PTPRN2: variants seen among roughly 807,000 people sequenced by gnomAD.
The protein encoded by PTPRN2 is receptor-type tyrosine-protein phosphatase N2.
In PTPRN2, 74 loss-of-function variants were observed where a neutral mutation model predicts 118.8. That is an observed-to-expected ratio of 0.62 (90% CI 0.52 to 0.76). The LOEUF (loss-of-function observed/expected upper bound fraction) is 0.76. Ranked by LOEUF, PTPRN2 falls within the 30% of genes least tolerant of loss-of-function variation. PTPRN2 has a pLI of 0.00. For missense variants in PTPRN2, 1,481 were observed against 1,394.4 expected, an observed-to-expected ratio of 1.06 and a Z score of -0.99; for synonymous variants, 641 against 608.0, an observed-to-expected ratio of 1.05 and a Z score of -0.80.
chr7:158,331,063 A>G (rs1804304511), intron 2 of PTPRN2, among the ~76,000 whole-genome samples: 1 of 148,242 alleles, frequency 6.7e-6, no homozygotes, highest in African/African-American at 2.5e-5. Context: ...GACGTCACTC[A>G]CACCCACACT....
chr7:158,240,347 T>G (rs895409234), intron 3 of PTPRN2, among the ~76,000 whole-genome samples: 8 of 152,186 alleles, frequency 5.3e-5, no homozygotes, highest in Non-Finnish European at 1.0e-4. Context: ...AGGAAAAGAA[T>G]ACTACCCAAT....
At chr7:158,531,075 AAAAC>A (rs1825196627) in intron 1 of PTPRN2, among the ~76,000 whole-genome samples, 1 of 152,158 alleles carries the variant, frequency 6.6e-6, no homozygotes. Context: ...CACACAAACA[AAAAC>A]AAACCACAAC....
At chr7:157,692,100 C>T (rs1242074944) in intron 12 of PTPRN2, among the ~76,000 whole-genome samples, 2 of 152,244 alleles carry the variant, frequency 1.3e-5, no homozygotes, top group Non-Finnish European at 2.9e-5. Flanking sequence ...GCGGAGGGCT[C>T]TTTAGTTTCT....
At chr7:158,064,074 G>A (rs1810567912) in intron 11 of PTPRN2, among the ~76,000 whole-genome samples, 1 of 152,204 alleles carries the variant, frequency 6.6e-6, no homozygotes, top group Admixed American at 6.5e-5. Context: ...GACCATCTCA[G>A]CAGAATGTGG....
chr7:157,952,538 AG>A (rs1369016601), intron 11 of PTPRN2, among the ~76,000 whole-genome samples: 1 of 151,904 alleles, frequency 6.6e-6, no homozygotes, highest in African/African-American at 2.4e-5. Context: ...GGTAGGTGAT[AG>A]GCTGGCTCCC....
intron 3 of PTPRN2, among the ~76,000 whole-genome samples, chr7:158,276,500 T>C (rs1799008356): frequency 7.1e-6 from 1 of 141,148 alleles, no homozygotes; most frequent in Non-Finnish European, 1.5e-5. Context: ...CGACAGGCTG[T>C]AAGGCAGCAC....
At chr7:157,558,864 C>T (rs1013515509) in intron 21 of PTPRN2, among the ~76,000 whole-genome samples, 3 of 152,184 alleles carry the variant, frequency 2.0e-5, no homozygotes, top group Non-Finnish European at 4.4e-5. Context: ...GGGACAGGGC[C>T]AGTTACGCAT....
rs1412271287 is a variant in PTPRN2, at chr7:157,845,370, C to T, written c.1788+53303G>A. ...CACGCAGCCTAACTCACCATGTTCC[C>T]GGCCACGCCACAGTGAATCACGCAG... On this transcript the variant is annotated intron_variant, in intron 12 of 22. Transcript: ENST00000389418. This position sits in a 1 kb window ranked among gnomAD's most constrained non-coding sequence, Gnocchi z 4.5. 2.6e-5 allele frequency among the ~76,000 whole-genome samples: 4 copies of T among 152,028 alleles called. No individual in the cohort carries two copies. The highest frequency in any genetic ancestry group is 1.9e-4 in the East Asian group (1 of 5,180).
intron 19 of PTPRN2, among the ~76,000 whole-genome samples, chr7:157,574,662 C>T (rs1799928815): frequency 6.6e-6 from 1 of 152,218 alleles, no homozygotes. Context: ...GGCGAACGCG[C>T]CAGGCCAGAG....
intron 9 of PTPRN2, among the ~76,000 whole-genome samples, chr7:158,130,506 A>T (rs997359890): frequency 4.7e-5 from 7 of 147,790 alleles, no homozygotes; most frequent in Non-Finnish European, 9.2e-5. Context: ...TCTACCCAAC[A>T]CACACACTCA....
intron 2 of PTPRN2, among the ~76,000 whole-genome samples, chr7:158,456,886 G>A (rs889380091): frequency 8.5e-5 from 13 of 152,108 alleles, no homozygotes; most frequent in South Asian, 2.1e-4. Flanking sequence ...TGATTCCCCC[G>A]CCTCCATCTC....
At position 158,473,174 on chromosome 7, in the gene PTPRN2, T is replaced by C. The variant is rs376211222; in HGVS notation, c.163+16561A>G. ...TGGTCGTGGCTGAACCTCAGCAGCTTCACGGTCCCCAAGATCAATTTCCTA... is the reference window on the plus strand; with the variant it reads ...TGGTCGTGGCTGAACCTCAGCAGCTCCACGGTCCCCAAGATCAATTTCCTA... On this transcript the variant is annotated intron_variant, in intron 2 of 22. Coordinates refer to ENST00000389418, the MANE Select transcript of PTPRN2 (RefSeq NM_002847.5). 2.6e-5 allele frequency among the ~76,000 whole-genome samples: 4 copies of C among 152,200 alleles called. No individual in the cohort carries two copies. In the East Asian group the frequency reaches 7.7e-4, roughly 29 times the overall value.
chr7:158,328,466 G>A (rs1053367338), intron 2 of PTPRN2, among the ~76,000 whole-genome samples: 8 of 152,226 alleles, frequency 5.3e-5, no homozygotes, highest in African/African-American at 1.9e-4. Flanking sequence ...CAGAAGGCAG[G>A]GGACAGAGTG....
chr7:157,961,006 C>CA (rs1294458379), intron 11 of PTPRN2, among the ~76,000 whole-genome samples: 1 of 151,916 alleles, frequency 6.6e-6, no homozygotes, highest in African/African-American at 2.4e-5. Context: ...GACTCCGTCT[C>CA]AAAAACAAAA....
chr7:158,419,355 A>G (rs976916112), intron 2 of PTPRN2, among the ~76,000 whole-genome samples: 4 of 43,796 alleles, frequency 9.1e-5, no homozygotes, highest in Non-Finnish European at 1.8e-4. Flanking sequence ...ATAAGCTGTC[A>G]CCAGCAAGAA....
chr7:158,018,029 C>T (rs1402141576), intron 11 of PTPRN2, among the ~76,000 whole-genome samples: 1 of 152,090 alleles, frequency 6.6e-6, no homozygotes, highest in Non-Finnish European at 1.5e-5. Context: ...TCCATGTGTC[C>T]CTGCACCTCA....
intron 12 of PTPRN2, chr7:157,864,474 G>C (rs145403861): frequency 0.035 from 5,334 of 152,468 alleles, 117 homozygotes; most frequent in Non-Finnish European, 0.056. Context: ...AGGAAGTCCT[G>C]TTGGGGCCAG....
chr7:158,456,397 T>G (rs1354917192), intron 2 of PTPRN2, among the ~76,000 whole-genome samples: 9 of 144,436 alleles, frequency 6.2e-5, no homozygotes, highest in South Asian at 2.3e-4. Flanking sequence ...GCAGAGAACA[T>G]AACAGCACGG....
intron 2 of PTPRN2, among the ~76,000 whole-genome samples, chr7:158,351,122 G>A (rs998185438): frequency 3.3e-5 from 5 of 152,172 alleles, no homozygotes; most frequent in African/African-American, 1.2e-4. Context: ...AAACTGTTAT[G>A]CGGGAGGCAG....
Sources: gnomAD v4.1 joint callset for allele counts (sites outside exome capture counted in the v4.1 genomes callset) on GRCh38, gnomAD v4.1.1 for gene constraint, Gnocchi (gnomAD v3.1) non-coding constraint, MANE v1.5 for transcripts, NCBI Gene and HGNC (gene_info 2026-07-23, HGNC 2026-07-21) for gene names.